SPON1: variants seen among roughly 807,000 people sequenced by gnomAD.
The protein encoded by SPON1 is spondin-1.
A neutral mutation model predicts 111.7 loss-of-function variants in SPON1; 52 were observed. The observed-to-expected ratio is 0.47, with a 90% confidence interval of 0.37 to 0.59. The LOEUF (loss-of-function observed/expected upper bound fraction) is 0.59. Among genes scored for constraint, SPON1 ranks in the 20% least tolerant of loss-of-function variants. The pLI is 0.00. For missense variants in SPON1, 957 were observed against 1,068.5 expected (o/e 0.90, Z 1.46); for synonymous variants, 410 against 395.8 (o/e 1.04, Z -0.43).
chr11:14,244,691 G>A (rs1366550366), intron 7 of SPON1, among the ~76,000 whole-genome samples: 4 of 152,122 alleles, frequency 2.6e-5, no homozygotes, highest in Admixed American at 1.3e-4. Context: ...AAGCAGCAGT[G>A]AGCCGTGATC....
intron 6 of SPON1, among the ~76,000 whole-genome samples, chr11:14,185,511 G>T (rs1433822207): frequency 1.3e-5 from 2 of 152,194 alleles, no homozygotes; most frequent in Non-Finnish European, 2.9e-5. Context: ...CCAGGGGCTT[G>T]GTTCAGTGAA....
At chr11:13,992,395 C>T (rs1316493615) in intron 2 of SPON1, among the ~76,000 whole-genome samples, 3 of 152,146 alleles carry the variant, frequency 2.0e-5, no homozygotes, top group East Asian at 1.9e-4. Flanking sequence ...GAATGGCGGA[C>T]GCCCCTTCCT....
chr11:14,212,118 G>C (rs1848582912), intron 6 of SPON1, among the ~76,000 whole-genome samples: 1 of 141,466 alleles, frequency 7.1e-6, no homozygotes, highest in Non-Finnish European at 1.6e-5. Flanking sequence ...GTCTTTTATT[G>C]ATTTTTTTTT....
At chr11:14,055,357 A>C (rs1848737454) in intron 3 of SPON1, among the ~76,000 whole-genome samples, 1 of 152,200 alleles carries the variant, frequency 6.6e-6, no homozygotes. Flanking sequence ...ATAGAGGAAC[A>C]ATCTACAACT....
intron 5 of SPON1, among the ~76,000 whole-genome samples, chr11:14,091,406 G>A (rs1394707013): frequency 6.6e-6 from 1 of 152,206 alleles, no homozygotes; most frequent in Non-Finnish European, 1.5e-5. Context: ...GGCTCGGGCC[G>A]CACAGGAGCC....
At chr11:14,243,210 C>CA in intron 6 of SPON1, 122 bp from the exon 7 acceptor site, 2 of 892,734 alleles carry the variant, frequency 2.2e-6, no homozygotes, top group Non-Finnish European at 1.8e-6. Context: ...GCTGTACACC[C>CA]AGGCAGGAAA....
At chr11:14,151,497 A>G (rs1270837386) in intron 6 of SPON1, among the ~76,000 whole-genome samples, 1 of 152,168 alleles carries the variant, frequency 6.6e-6, no homozygotes, top group African/African-American at 2.4e-5. Flanking sequence ...CATTCAACAA[A>G]TAATTGTCAA....
At chr11:14,063,451 C>T (rs911280619) in intron 3 of SPON1, among the ~76,000 whole-genome samples, 1 of 152,128 alleles carries the variant, frequency 6.6e-6, no homozygotes, top group Non-Finnish European at 1.5e-5. Flanking sequence ...CTCTTCCTTT[C>T]TTCCTTCCTT....
At position 14,090,823 on chromosome 11, in the gene SPON1, G is replaced by GCCCCCCCCCCC. The variant is rs1360339677; in HGVS notation, c.676+10802_676+10803insCCCCCCCCCCC. ...GCAGCCTGCTTTTATTCTCTTATCT[G>GCCCCCCCCCCC]GCCCCCCCCCCCCCCCCCCCCGCCC... On this transcript the variant is annotated intron_variant, in intron 5 of 15. Transcript: ENST00000576479. 7.4e-5 allele frequency among the ~76,000 whole-genome samples: 2 copies of GCCCCCCCCCCC among 27,056 alleles called. 1 individual carries two copies. The highest frequency in any genetic ancestry group is 5.3e-4 in the African/African-American group (2 of 3,752). 17.7% of individuals were successfully genotyped at this position (27,056 alleles called of 152,430 possible). A position where few individuals can be genotyped will look rare whatever the true frequency, so the allele number is the denominator to read the frequency against.
At chr11:14,176,150 G>A (rs1554933047) in intron 6 of SPON1, among the ~76,000 whole-genome samples, 1 of 152,018 alleles carries the variant, frequency 6.6e-6, no homozygotes, top group Non-Finnish European at 1.5e-5. Flanking sequence ...CATTGAATGT[G>A]ACCAGACGAA....
chr11:13,994,442 A>C (rs895696583), intron 2 of SPON1, among the ~76,000 whole-genome samples: 20 of 151,406 alleles, frequency 1.3e-4, no homozygotes, highest in Admixed American at 4.6e-4. Context: ...CCCCATCCCC[A>C]CACACACACA....
intron 3 of SPON1, among the ~76,000 whole-genome samples, chr11:14,046,724 A>G (rs1848670837): frequency 6.6e-6 from 1 of 152,234 alleles, no homozygotes; most frequent in South Asian, 2.1e-4. Flanking sequence ...CTGACAAATC[A>G]TAGAATAAGT....
chr11:14,136,689 G>A (rs1554928138), intron 6 of SPON1, among the ~76,000 whole-genome samples: 1 of 152,184 alleles, frequency 6.6e-6, no homozygotes, highest in African/African-American at 2.4e-5. Context: ...AAATGCCCCA[G>A]AATGAGCTTA....
intron 5 of SPON1, among the ~76,000 whole-genome samples, chr11:14,085,676 T>G (rs190737349): frequency 3.9e-5 from 6 of 152,344 alleles, no homozygotes; most frequent in Non-Finnish European, 7.3e-5. Flanking sequence ...TTTTTCTAGT[T>G]CTGTGAAGAA....
chr11:14,009,640 AT>A (rs1363256278), intron 2 of SPON1, among the ~76,000 whole-genome samples: 3 of 152,224 alleles, frequency 2.0e-5, no homozygotes, highest in Non-Finnish European at 4.4e-5. Flanking sequence ...TCAGACTGCT[AT>A]AACAAAATAT....
intron 9 of SPON1, among the ~76,000 whole-genome samples, 162 bp downstream of exon 9, chr11:14,255,949 A>C (rs1400970347): frequency 6.6e-6 from 1 of 152,226 alleles, no homozygotes; most frequent in Non-Finnish European, 1.5e-5. Context: ...ATTATTTCAT[A>C]AGATGAAAAT....
chr11:14,004,592 G>A lies in SPON1; in HGVS notation c.345+21639G>A, dbSNP rs117779575. Among the ~76,000 whole-genome samples, 29 of 152,196 alleles carry A rather than the reference G, an allele frequency of 1.9e-4. No individual in the cohort carries two copies. In the East Asian group the frequency reaches 5.6e-3, roughly 29 times the overall value. The stretch of plus-strand genomic sequence containing the variant: ...CATTTCCCTGATGATTAATGATGTT[G>A]AACACCTTTTCATATACCTGTTGGC... On this transcript the variant is annotated intron_variant, in intron 2 of 15. Coordinates refer to ENST00000576479, the MANE Select transcript of SPON1 (RefSeq NM_006108.4).
intron 6 of SPON1, among the ~76,000 whole-genome samples, chr11:14,219,820 C>A (rs1391417684): frequency 3.3e-5 from 5 of 152,092 alleles, no homozygotes; most frequent in African/African-American, 1.2e-4. Flanking sequence ...AGCTAAATAC[C>A]TTTGCTTCAA....
At chr11:13,964,697 C>A (rs1327267405) in intron 1 of SPON1, among the ~76,000 whole-genome samples, 1 of 152,178 alleles carries the variant, frequency 6.6e-6, no homozygotes, top group Non-Finnish European at 1.5e-5. Flanking sequence ...CGGGAGGGAG[C>A]GCGCGGCTTG....
Sources: gnomAD v4.1 joint callset for allele counts (sites outside exome capture counted in the v4.1 genomes callset) on GRCh38, gnomAD v4.1.1 for gene constraint, MANE v1.5 for transcripts, NCBI Gene and HGNC (gene_info 2026-07-23, HGNC 2026-07-21) for gene names.